PPP2R2C: variants seen among roughly 807,000 people sequenced by gnomAD.
PPP2R2C encodes protein phosphatase 2, regulatory subunit B, gamma.
In PPP2R2C, 10 loss-of-function variants were observed where a neutral mutation model predicts 45.3. That is an observed-to-expected ratio of 0.22 (90% CI 0.14 to 0.37). The LOEUF (loss-of-function observed/expected upper bound fraction) is 0.37, where lower values mean the gene tolerates loss of function less well. Among genes scored for constraint, PPP2R2C ranks in the 10% least tolerant of loss-of-function variants. The pLI is 1.00. For missense variants in PPP2R2C, 308 were observed against 619.7 expected (o/e 0.50, Z 5.34); for synonymous variants, 257 against 245.4 (o/e 1.05, Z -0.44).
chr4:6,382,472 C>A, intron 1 of PPP2R2C: 1 of 1,352,104 alleles, frequency 7.4e-7, no homozygotes, highest in Non-Finnish European at 9.8e-7. Context: ...TGAGCCAGTG[C>A]ATCCCTGTGT....
chr4:6,377,773 G>T (rs1164505979), intron 3 of PPP2R2C, among the ~76,000 whole-genome samples: 1 of 152,148 alleles, frequency 6.6e-6, no homozygotes, highest in Non-Finnish European at 1.5e-5. Flanking sequence ...GGGGACCCAG[G>T]CCCATGGTGA....
intron 1 of PPP2R2C, among the ~76,000 whole-genome samples, chr4:6,448,235 G>GAA (rs1560554792): frequency 6.6e-6 from 1 of 151,942 alleles, no homozygotes; most frequent in East Asian, 1.9e-4. Flanking sequence ...CAGGATTTAA[G>GAA]AACTGTTTGA....
rs1711850184 is a variant in PPP2R2C at position 6,345,867 on chromosome 4, A to T, written c.790+1979T>A. On this transcript the variant is annotated intron_variant, in intron 6 of 8. Coordinates refer to ENST00000382599, the MANE Select transcript of PPP2R2C (RefSeq NM_020416.4). This position sits in a 1 kb window ranked among gnomAD's most constrained non-coding sequence, Gnocchi z 5.3. ...GCCTCCCATCAGTCCACGGCCACTA[A>T]CTCCACACTTATCTCCAGGTGGCAT... Among the ~76,000 whole-genome samples the T allele has an allele frequency of 1.3e-5, 2 of 151,736 alleles. No homozygotes were observed.
intron 2 of PPP2R2C, among the ~76,000 whole-genome samples, chr4:6,478,216 G>A (rs1257564556): frequency 5.3e-5 from 8 of 152,192 alleles, no homozygotes; most frequent in East Asian, 1.9e-4. Flanking sequence ...CTCTAGCAGC[G>A]GCTAGCATTT....
chr4:6,488,748 C>G (rs1233706651), intron 2 of PPP2R2C, among the ~76,000 whole-genome samples: 2 of 151,966 alleles, frequency 1.3e-5, no homozygotes, highest in African/African-American at 4.8e-5. Flanking sequence ...GCTAAGGATG[C>G]TTGCAGAAAT....
At chr4:6,382,434 C>G (rs1213653463) in intron 1 of PPP2R2C, 12 of 1,351,998 alleles carry the variant, frequency 8.9e-6, no homozygotes, top group Non-Finnish European at 1.1e-5. Flanking sequence ...TGTTCTCCCT[C>G]TGGCGGCCAA....
At chr4:6,482,640 C>A (rs1395060607) in intron 2 of PPP2R2C, among the ~76,000 whole-genome samples, 1 of 152,170 alleles carries the variant, frequency 6.6e-6, no homozygotes, top group African/African-American at 2.4e-5. Flanking sequence ...AGTTTGAGAG[C>A]AGATTCTCTT....
At chr4:6,549,763 A>C (rs530568797) in intron 1 of PPP2R2C, among the ~76,000 whole-genome samples, 38 of 152,316 alleles carry the variant, frequency 2.5e-4, no homozygotes, top group African/African-American at 9.1e-4. Context: ...GGTATGAGCT[A>C]CTTTCCCACG....
chr4:6,494,008 C>T (rs146963784), intron 2 of PPP2R2C, among the ~76,000 whole-genome samples: 194 of 152,362 alleles, frequency 1.3e-3, no homozygotes, highest in African/African-American at 4.4e-3. Flanking sequence ...CACCCAGCTT[C>T]GAGCCTGCAG....
At chr4:6,485,178 T>C (rs866560058) in intron 2 of PPP2R2C, among the ~76,000 whole-genome samples, 16 of 151,954 alleles carry the variant, frequency 1.1e-4, no homozygotes, top group African/African-American at 3.4e-4. Flanking sequence ...GCATAGGTTT[T>C]TATAAATTGT....
chr4:6,520,595 A>G (rs1723987183), intron 2 of PPP2R2C, among the ~76,000 whole-genome samples: 1 of 152,194 alleles, frequency 6.6e-6, no homozygotes, highest in Non-Finnish European at 1.5e-5. Context: ...GCCCTGTGTG[A>G]TTCAAGTCCA....
chr4:6,551,646 T>C (rs1288552979), intron 1 of PPP2R2C, among the ~76,000 whole-genome samples: 2 of 152,296 alleles, frequency 1.3e-5, no homozygotes, highest in East Asian at 1.9e-4. Context: ...TTGAGCACCA[T>C]GGAAGGAGTC....
At chr4:6,488,092 C>G (rs1039679261) in intron 2 of PPP2R2C, among the ~76,000 whole-genome samples, 1 of 152,102 alleles carries the variant, frequency 6.6e-6, no homozygotes, top group East Asian at 1.9e-4. Flanking sequence ...TCTATATCCT[C>G]CATGTTGATT....
At chr4:6,466,226 C>A (rs1721585460) in intron 1 of PPP2R2C, among the ~76,000 whole-genome samples, 1 of 152,218 alleles carries the variant, frequency 6.6e-6, no homozygotes, top group Admixed American at 6.5e-5. Flanking sequence ...TGTGTAACCA[C>A]AGACTCGCCT....
rs61657951 is a variant in PPP2R2C, at chr4:6,337,112, G to GTATATATATATATATA, written c.791-3397_791-3382dup. On this transcript the variant is annotated intron_variant, in intron 6 of 8. Coordinates refer to ENST00000382599, the MANE Select transcript of PPP2R2C (RefSeq NM_020416.4). ...CATCTTTGTTTCTGTATGTGTGTGT[G>GTATATATATATATATA]TATATATATATATATATATATATAT... Among the ~76,000 whole-genome samples, 26 of 30,106 alleles carry GTATATATATATATATA rather than the reference G, an allele frequency of 8.6e-4. 4 individuals are homozygous for GTATATATATATATATA. The highest frequency in any genetic ancestry group is 2.5e-3 in the Admixed American group (5 of 1,986). 19.8% of individuals were successfully genotyped at this position (30,106 alleles called of 152,430 possible). A position where few individuals can be genotyped will look rare whatever the true frequency, so the allele number is the denominator to read the frequency against.
intron 2 of PPP2R2C, among the ~76,000 whole-genome samples, chr4:6,491,717 C>T (rs945915919): frequency 6.6e-6 from 1 of 152,188 alleles, no homozygotes; most frequent in East Asian, 1.9e-4. Context: ...TGAGTGAGTT[C>T]TCATGAGATC....
chr4:6,346,322 G>C (rs141761341), intron 6 of PPP2R2C, among the ~76,000 whole-genome samples: 1 of 152,288 alleles, frequency 6.6e-6, no homozygotes, highest in Non-Finnish European at 1.5e-5. Flanking sequence ...GCAATGTGTG[G>C]AGTCACGGCC....
At position 6,354,257 on chromosome 4, in the gene PPP2R2C, C is replaced by T. The variant is rs975770167; in HGVS notation, c.626-6247G>A. 4.6e-5 allele frequency among the ~76,000 whole-genome samples: 7 copies of T among 151,968 alleles called. No individual in the cohort carries two copies. In the South Asian group the frequency reaches 8.4e-4, roughly 18 times the overall value. ...CACCGAGGAGGTCGGACTTGCCCAG[C>T]GTGCTGCCCCTGCCTGCTCTTCCTC... On this transcript the variant is annotated intron_variant, in intron 5 of 8. Coordinates refer to ENST00000382599, the MANE Select transcript of PPP2R2C (RefSeq NM_020416.4).
chr4:6,421,045 A>C (rs1233988962), intron 1 of PPP2R2C: 1 of 985,008 alleles, frequency 1.0e-6, no homozygotes, highest in Non-Finnish European at 1.2e-6. Flanking sequence ...CTTTGTGTGC[A>C]CCCTTCTTCC....
Sources: allele counts gnomAD v4.1 joint callset (sites outside exome capture counted in the v4.1 genomes callset), GRCh38; gene constraint gnomAD v4.1.1; non-coding constraint Gnocchi (gnomAD v3.1); transcripts MANE v1.5; gene names NCBI Gene and HGNC (gene_info 2026-07-23, HGNC 2026-07-21).